MINK1: variants seen among roughly 807,000 people sequenced by gnomAD.
MINK1 encodes misshapen-like kinase 1.
Under a neutral mutation model 178.4 loss-of-function variants are expected in MINK1, and 46 were observed. The ratio of observed to expected loss-of-function variants is 0.26; its 90% CI spans 0.20 to 0.33. The LOEUF (loss-of-function observed/expected upper bound fraction) is 0.33, where lower values mean the gene tolerates loss of function less well. Among genes scored for constraint, MINK1 ranks in the 10% least tolerant of loss-of-function variants. The pLI is 1.00. For missense variants in MINK1, 1,366 were observed against 1,814.9 expected (o/e 0.75, Z 4.49); for synonymous variants, 797 against 709.7 (o/e 1.12, Z -1.96).
In MINK1 at chr17:4,895,174, G is replaced by A; in HGVS notation, c.3017G>A (p.Ser1006Asn). 1 of 1,614,096 alleles carries A rather than the reference G, an allele frequency of 6.2e-7. No individual in the cohort carries two copies. Among genetic ancestry groups the A allele is most frequent in the Non-Finnish European group, 8.5e-7 (1 of 1,180,016 alleles). The change falls in exon 25 of 32, where the codon AGT becomes AAT. Residue 1006 changes from serine (S) to asparagine (N), a missense_variant. Physicochemically the swap from Ser to Asn is conservative, Grantham distance 46. Transcript: ENST00000355280. This position sits in a 1 kb window ranked among gnomAD's most constrained non-coding sequence, Gnocchi z 4.3. ...AATCCCACCAACACCCGGGCCCACA[G>A]TGAGACCCCTGAGATCCGGAAGTAC... ...NVNPTNTRAH[S>N]ETPEIRKYKK...
rs1467038048 is a variant in MINK1 at position 4,836,774 on chromosome 17, C to G, written c.57+3134C>G. Among the ~76,000 whole-genome samples, 7 of 152,212 alleles carry G rather than the reference C, an allele frequency of 4.6e-5. No homozygotes were observed. Among genetic ancestry groups the G allele is most frequent in the Admixed American group, 3.9e-4 (6 of 15,276 alleles). ...TTTATCTAAAATAGCACTCCCTCCT[C>G]TGCTTTATTTTTATACAAAATTTTA... is the stretch of plus-strand genomic sequence containing the variant. On this transcript the variant is annotated intron_variant, in intron 1 of 31. Transcript: ENST00000355280. The surrounding 1 kb of genome is among the most constrained non-coding windows in gnomAD (Gnocchi z 4.3).
Position 4,896,158 on chromosome 17 carries a change from GC to G in MINK1, c.3466-31del. Reference sequence around the variant, plus strand: ...CTGGAGTCCCAGCGCCTCTCCCCGTGCCCCTGAGCCCTCCTCTCCTCCGGTT... The same window carrying G: ...CTGGAGTCCCAGCGCCTCTCCCCGTGCCCTGAGCCCTCCTCTCCTCCGGTT... On this transcript the variant is annotated intron_variant, in intron 28 of 31. Coordinates refer to ENST00000355280, the MANE Select transcript of MINK1 (RefSeq NM_153827.5). The surrounding 1 kb of genome is among the most constrained non-coding windows in gnomAD (Gnocchi z 4.6). 6.2e-7 allele frequency: 1 copy of G among 1,602,060 alleles called. No individual in the cohort carries two copies. Among genetic ancestry groups the G allele is most frequent in the Non-Finnish European group, 8.5e-7 (1 of 1,173,776 alleles).
chr17:4,834,151 G>T lies in MINK1; in HGVS notation c.57+511G>T, dbSNP rs111781015. Among the ~76,000 whole-genome samples the T allele has an allele frequency of 1.4e-3, 215 of 152,086 alleles. 1 individual carries two copies. The highest frequency in any genetic ancestry group is 6.8e-3 in the Middle Eastern group (2 of 294). On this transcript the variant is annotated intron_variant, in intron 1 of 31. Transcript: ENST00000355280. ...TTGAATTGCATCCTTTCCCTGGTCG[G>T]AATTTCAGCTACCCCACCCCTCGTG...
rs764720471 is a variant in MINK1, at chr17:4,894,023, T to C, written c.2600T>C (p.Val867Ala). The change falls in exon 22 of 32, where the codon GTG (valine) becomes GCG (alanine). Residue 867 changes from valine (V) to alanine (A), a missense_variant. By Grantham distance (64) the Val-to-Ala change is moderately conservative. Around this residue, in one of 14 missense-constraint regions of MINK1, gnomAD observed 709 missense variants for 692.3 expected, o/e 1.02. Coordinates refer to ENST00000355280, the MANE Select transcript of MINK1 (RefSeq NM_153827.5). The surrounding 1 kb of genome is among the most constrained non-coding windows in gnomAD (Gnocchi z 4.1). The part of the protein sequence containing the change: ...DGDTDSVSTM[V>A]VHDVEEITGT... ...GATACAGACAGCGTCAGCACCATGG[T>C]GGTCCACGACGTCGAGGAGATCACC... The C allele has an allele frequency of 1.3e-6, 2 of 1,588,700 alleles. No individual in the cohort carries two copies. Among genetic ancestry groups the C allele is most frequent in the East Asian group, 2.3e-5 (1 of 44,242 alleles).
In MINK1 at chr17:4,896,956, A is replaced by C. The variant is rs951886949; in HGVS notation, c.3915+143A>C. 1 of 1,155,724 alleles carries C rather than the reference A, an allele frequency of 8.7e-7. No individual in the cohort carries two copies. Among genetic ancestry groups the C allele is most frequent in the Non-Finnish European group, 1.2e-6 (1 of 835,166 alleles). The allele number at this position is 1,155,724 out of a possible 1,614,324, so 71.6% of individuals were successfully genotyped here. On this transcript the variant is annotated intron_variant, in intron 31 of 31. Coordinates refer to ENST00000355280, the MANE Select transcript of MINK1 (RefSeq NM_153827.5). This position sits in a 1 kb window ranked among gnomAD's most constrained non-coding sequence, Gnocchi z 4.6. ...GGAGCTCAGAGGGCAGTCAGCCACT[A>C]CCACTGCCCTGCGCTCCCTTCAGAT...
chr17:4,885,091 C>A lies in MINK1; in HGVS notation c.508+89C>A. On this transcript the variant is annotated intron_variant, in intron 6 of 31. Transcript: ENST00000355280. The surrounding 1 kb of genome is among the most constrained non-coding windows in gnomAD (Gnocchi z 5.0). Reference sequence around the variant, plus strand: ...CCTTTTTCTCTCTGGTGGCTCAGGCCCAACTCCCTTCCTACTGGGGAGGCT... The same window carrying A: ...CCTTTTTCTCTCTGGTGGCTCAGGCACAACTCCCTTCCTACTGGGGAGGCT... 2.4e-6 allele frequency: 3 copies of A among 1,225,128 alleles called. No individual in the cohort carries two copies. The highest frequency in any genetic ancestry group is 3.5e-6 in the Non-Finnish European group (3 of 850,422). 75.9% of individuals were successfully genotyped at this position (1,225,128 alleles called of 1,614,324 possible). A position where few individuals can be genotyped will look rare whatever the true frequency, so the allele number is the denominator to read the frequency against.
chr17:4,878,958 T>C (rs1157877478), intron 2 of MINK1, among the ~76,000 whole-genome samples: 1 of 152,216 alleles, frequency 6.6e-6, no homozygotes, highest in Non-Finnish European at 1.5e-5. Flanking sequence ...CTGACCACAC[T>C]GCTCACACTT....
chr17:4,896,816 G>GGGAGGC lies in MINK1; in HGVS notation c.3915+4_3915+9dup. On this transcript the variant is annotated splice_donor_region_variant and intron_variant, in intron 31 of 31. Coordinates refer to ENST00000355280, the MANE Select transcript of MINK1 (RefSeq NM_153827.5). The surrounding 1 kb of genome is among the most constrained non-coding windows in gnomAD (Gnocchi z 4.6). ...TCCTGTGTGAGCGGAATGACAAGGT[G>GGGAGGC]GGAGGCTCCTTCCCTCTGAAAGCCC... is the stretch of plus-strand genomic sequence containing the variant. 1 of 1,555,588 alleles carries GGGAGGC rather than the reference G, an allele frequency of 6.4e-7. No homozygotes were observed. Among genetic ancestry groups the GGGAGGC allele is most frequent in the East Asian group, 2.2e-5 (1 of 44,512 alleles).
chr17:4,871,216 T>C (rs1467554651), intron 1 of MINK1: 2 of 179,526 alleles, frequency 1.1e-5, no homozygotes, highest in Non-Finnish European at 2.4e-5. Flanking sequence ...AGGCAGGGTC[T>C]CACTCACTCT....
chr17:4,833,778 CCGGACTCCCGCCG>C lies in MINK1; in HGVS notation c.57+142_57+154del, dbSNP rs1406350222. 7.9e-6 allele frequency: 5 copies of C among 630,940 alleles called. No individual in the cohort carries two copies. The Admixed American group carries it at 1.3e-4, about 16-fold the overall frequency. 39.1% of individuals were successfully genotyped at this position (630,940 alleles called of 1,614,324 possible). On this transcript the variant is annotated intron_variant, in intron 1 of 31. Transcript: ENST00000355280. The surrounding 1 kb of genome is among the most constrained non-coding windows in gnomAD (Gnocchi z 4.8). ...CCCCTTGGCGACCCGTGCCCCTTTC[CCGGACTCCCGCCG>C]CGGCTGGGCCCCCGCCCTCTGCTCC...
chr17:4,876,503 G>T (rs909645025), intron 1 of MINK1, among the ~76,000 whole-genome samples: 6 of 152,134 alleles, frequency 3.9e-5, no homozygotes, highest in Non-Finnish European at 8.8e-5. Context: ...TCTTCAACAC[G>T]CCCAAGTCGT....
intron 31 of MINK1, 84 bp from the exon 32 acceptor site, chr17:4,897,120 C>T (rs1027464160): frequency 8.6e-7 from 1 of 1,166,914 alleles, no homozygotes; most frequent in Admixed American, 2.0e-5. Flanking sequence ...TCTTCTGCCA[C>T]CCCTTCTTCC....
chr17:4,847,029 A>G (rs1789813057), intron 1 of MINK1: 2 of 375,986 alleles, frequency 5.3e-6, no homozygotes, highest in South Asian at 2.0e-5. Flanking sequence ...CAAGTTAACA[A>G]TGAACATACC....
At chr17:4,854,870 A>AG (rs1912770750) in intron 1 of MINK1, 2 of 445,404 alleles carry the variant, frequency 4.5e-6, no homozygotes, top group Non-Finnish European at 9.0e-6. Context: ...TGTTTCAGAG[A>AG]GTAAGAAGCG....
At position 4,887,781 on chromosome 17, in the gene MINK1, C is replaced by T. The variant is rs1435714341; in HGVS notation, c.1221C>T (p.Arg407=). ...AGGAGCAGAAGGAGGAGCGGCGCCG[C>T]GTGGAGGAGGTGGGCTGTCTCCGAA... ...RIEEQKEERR[R]VEEQQRRERE... The change falls in exon 12 of 32, where the codon CGC becomes CGT. Residue 407 remains arginine (R), a synonymous_variant. Transcript: ENST00000355280. The surrounding 1 kb of genome is among the most constrained non-coding windows in gnomAD (Gnocchi z 7.6). 7.9e-6 allele frequency: 12 copies of T among 1,515,582 alleles called. No individual in the cohort carries two copies. Among genetic ancestry groups the T allele is most frequent in the South Asian group, 1.3e-5 (1 of 79,054 alleles). 93.9% of individuals were successfully genotyped at this position (1,515,582 alleles called of 1,614,324 possible).
chr17:4,886,135 A>AC lies in MINK1; in HGVS notation c.714dup (p.Met239HisfsTer22). The AC allele has an allele frequency of 6.2e-7, 1 of 1,613,752 alleles. No individual in the cohort carries two copies. The highest frequency in any genetic ancestry group is 8.5e-7 in the Non-Finnish European group (1 of 1,179,804). On this transcript the variant is annotated frameshift_variant, in exon 9 of 32. Transcript: ENST00000355280. LOFTEE classifies it high-confidence loss of function. This position sits in a 1 kb window ranked among gnomAD's most constrained non-coding sequence, Gnocchi z 6.1. ...CTGTGTCCAGCTCTGTGTGACATGC[A>AC]CCCCATGCGAGCCCTCTTCCTCATT...
intron 1 of MINK1, among the ~76,000 whole-genome samples, chr17:4,846,833 C>T (rs945035840): frequency 2.6e-5 from 4 of 152,192 alleles, no homozygotes; most frequent in African/African-American, 7.2e-5. Context: ...ACAGGCTCGG[C>T]CCCATCTTAC....
chr17:4,868,960 G>GC (rs1915448089), intron 1 of MINK1: 1 of 177,312 alleles, frequency 5.6e-6, no homozygotes, highest in South Asian at 7.6e-5. Context: ...GTCTCGCTCT[G>GC]TCGTGCAGGC....
chr17:4,853,491 G>T (rs926279909), intron 1 of MINK1, among the ~76,000 whole-genome samples: 1 of 151,318 alleles, frequency 6.6e-6, no homozygotes, highest in African/African-American at 2.4e-5. Context: ...GGGGAGTGTG[G>T]TTGTTGCTGT....
Sources: gnomAD v4.1 joint callset for allele counts (sites outside exome capture counted in the v4.1 genomes callset) on GRCh38, gnomAD v4.1.1 for gene constraint, gnomAD v4.1.1 regional missense constraint, Gnocchi (gnomAD v3.1) non-coding constraint, MANE v1.5 for transcripts, NCBI Gene and HGNC (gene_info 2026-07-23, HGNC 2026-07-21) for gene names.